Variants in PEX19 observed in about 807,000 individuals in gnomAD.
PEX19 encodes 33 kDa housekeeping protein.
A neutral mutation model predicts 36.3 loss-of-function variants in PEX19; 29 were observed. The ratio of observed to expected loss-of-function variants is 0.80; its 90% CI spans 0.60 to 1.09. The LOEUF (loss-of-function observed/expected upper bound fraction) is 1.09, where lower values mean the gene tolerates loss of function less well. PEX19 is among the 50% of genes least tolerant of loss of function. PEX19 has a pLI of 0.00. For synonymous variants in PEX19, 141 were observed against 135.2 expected, an observed-to-expected ratio of 1.04 and a Z score of -0.30; for missense variants, 396 against 368.1, an observed-to-expected ratio of 1.08 and a Z score of -0.62.
chr1:160,282,897 A>G, intron 3 of PEX19, 47 bp downstream of exon 3: 1 of 1,592,798 alleles, frequency 6.3e-7, no homozygotes, highest in East Asian at 2.2e-5. Context: ...GGCAACAAAG[A>G]CTTAAGAGTC....
rs1310410647 is a variant in PEX19 at position 160,282,137 on chromosome 1, C to G, written c.496G>C (p.Asp166His). ...ATGGGGAGGATGTTCCCTTCCCCAT[C>G]CCCTTCGTCCATGCCTAGCCCCTCC... ...AMEGLGMDEG[D>H]GEGNILPIMQ... Residue 166 changes from aspartate (D) to histidine (H), a missense_variant, in exon 5 of 8, where the codon GAT becomes CAT. Physicochemically the swap from Asp to His is moderately conservative, Grantham distance 81. Transcript: ENST00000368072. 6.2e-7 allele frequency: 1 copy of G among 1,613,958 alleles called. No homozygotes were observed. Among genetic ancestry groups the G allele is most frequent in the African/African-American group, 1.3e-5 (1 of 74,904 alleles).
Position 160,282,199 on chromosome 1 carries a change from T to G in PEX19, c.434A>C (p.Asn145Thr). ...CAGCTCTTCTTCCGACATGCTGGAG[T>G]TCTAGATAGGACAAGTAAGAGGTGA... The part of the protein sequence containing the change: ...GLAKNATDLQ[N>T]SSMSEEELTK... Residue 145 changes from asparagine (N) to threonine (T), a missense_variant and splice_region_variant, in exon 5 of 8, where the codon AAC (asparagine) becomes ACC (threonine). Asn to Thr is a moderately conservative substitution (Grantham distance 65). Coordinates refer to ENST00000368072, the MANE Select transcript of PEX19 (RefSeq NM_002857.4). The G allele has an allele frequency of 1.2e-6, 2 of 1,613,932 alleles. No individual in the cohort carries two copies. Among genetic ancestry groups the G allele is most frequent in the Non-Finnish European group, 1.7e-6 (2 of 1,179,974 alleles).
At chr1:160,282,909 G>C in intron 3 of PEX19, 35 bp downstream of exon 3, 1 of 1,605,612 alleles carries the variant, frequency 6.2e-7, no homozygotes, top group South Asian at 1.1e-5. Context: ...TTAAGAGTCT[G>C]TTCAGATATT....
In PEX19 at chr1:160,282,952, C is replaced by T; in HGVS notation, c.338G>A (p.Gly113Glu). The change falls in exon 3 of 8, where the codon GGG becomes GAG. Residue 113 changes from glycine to glutamate, a missense_variant. By Grantham distance (98) the Gly-to-Glu change is moderately conservative (BLOSUM62 -2). Coordinates refer to ENST00000368072, the MANE Select transcript of PEX19 (RefSeq NM_002857.4). The stretch of plus-strand genomic sequence containing the variant: ...ATCTGGGGTCTCCTCACCCACTCTC[C>T]CTGCAGCCTCTGAGAGCTTTTGGAA... ...EQFQKLSEAA[G>E]RVGSDMTSQQ... is the part of the protein sequence containing the mutation. The T allele has an allele frequency of 6.2e-7, 1 of 1,614,190 alleles. No individual in the cohort carries two copies. The highest frequency in any genetic ancestry group is 1.1e-5 in the South Asian group (1 of 91,080).
intron 1 of PEX19, 110 bp from the exon 2 acceptor site, chr1:160,283,749 T>A: frequency 1.2e-6 from 1 of 824,608 alleles, no homozygotes; most frequent in Non-Finnish European, 2.0e-6. Flanking sequence ...AATTGCCAAC[T>A]TTCCTCAATT....
rs376013124 is a variant in PEX19, at chr1:160,283,097, C to T, written c.193G>A (p.Ala65Thr). 11 of 1,613,482 alleles carry T rather than the reference C, an allele frequency of 6.8e-6. No individual in the cohort carries two copies. Among genetic ancestry groups the T allele is most frequent in the Middle Eastern group, 1.8e-4 (1 of 5,688 alleles). The stretch of plus-strand genomic sequence containing the variant: ...TCCTGGAAAAACTTCTCTTGGGAAG[C>T]GAAGAGGGCATCCTGCGGGGGAAGG... ...PGDTAKDALF[A>T]SQEKFFQELF... The change falls in exon 3 of 8, where the codon GCT becomes ACT. Residue 65 changes from alanine to threonine, a missense_variant. Coordinates refer to ENST00000368072, the MANE Select transcript of PEX19 (RefSeq NM_002857.4).
chr1:160,282,834 T>C, intron 3 of PEX19, 110 bp downstream of exon 3: 1 of 1,188,030 alleles, frequency 8.4e-7, no homozygotes, highest in South Asian at 1.2e-5. Context: ...ACCCGTTCCT[T>C]GGCTGTGACA....
In PEX19 at chr1:160,283,568, A is replaced by G. The variant is rs1557855520; in HGVS notation, c.142T>C (p.Ser48Pro). Reference sequence around the variant, plus strand: ...CCTGGCGATCTCTTCTGGGGCCCCGAAGCATCAGGGGCCGTGGTGGTAGAA... The same window carrying G: ...CCTGGCGATCTCTTCTGGGGCCCCGGAGCATCAGGGGCCGTGGTGGTAGAA... ...PPSTTTAPDA[S>P]GPQKRSPGDT... Residue 48 changes from serine to proline, a missense_variant, in exon 2 of 8, where the codon TCG becomes CCG. Ser to Pro is a moderately conservative substitution (Grantham distance 74). Coordinates refer to ENST00000368072, the MANE Select transcript of PEX19 (RefSeq NM_002857.4). The G allele has an allele frequency of 6.2e-7, 1 of 1,613,894 alleles. No homozygotes were observed. Among genetic ancestry groups the G allele is most frequent in the Admixed American group, 1.7e-5 (1 of 60,016 alleles).
Position 160,279,634 on chromosome 1 carries a change from G to T in PEX19, c.817C>A (p.Pro273Thr), listed in dbSNP as rs760797797. ...HPPKELAGEM[P>T]PGLNFDLDAL... ...TCCAGGTCAAAGTTGAGGCCAGGAG[G>T]CTGGGGAAGAGATGAAGGGACTCAG... Residue 273 changes from proline (P) to threonine (T), a missense_variant and splice_region_variant, in exon 8 of 8, where the codon CCT becomes ACT. By Grantham distance (38) the Pro-to-Thr change is conservative. Transcript: ENST00000368072. 9 of 1,613,740 alleles carry T rather than the reference G, an allele frequency of 5.6e-6. No individual in the cohort carries two copies. The highest frequency in any genetic ancestry group is 6.8e-6 in the Non-Finnish European group (8 of 1,179,596).
intron 1 of PEX19, among the ~76,000 whole-genome samples, chr1:160,284,501 T>C (rs1657919760): frequency 6.6e-6 from 1 of 152,102 alleles, no homozygotes. Context: ...AATCGCCACA[T>C]CCTCAGTTTC....
chr1:160,283,559 G>A lies in PEX19; in HGVS notation c.151C>T (p.Gln51Ter), dbSNP rs200087121. 1 of 1,613,792 alleles carries A rather than the reference G, an allele frequency of 6.2e-7. No individual in the cohort carries two copies. Among genetic ancestry groups the A allele is most frequent in the East Asian group, 2.2e-5 (1 of 44,852 alleles). Residue 51 changes from glutamine to a stop codon, truncating the protein, a stop_gained, in exon 2 of 8, where the codon CAG (glutamine) becomes TAG (stop). Coordinates refer to ENST00000368072, the MANE Select transcript of PEX19 (RefSeq NM_002857.4). LOFTEE classifies it high-confidence loss of function. ...TTTAPDASGP[Q>*]KRSPGDTAKD... ...GCAGTGTCTCCTGGCGATCTCTTCT[G>A]GGGCCCCGAAGCATCAGGGGCCGTG...
intron 5 of PEX19, 146 bp downstream of exon 5, chr1:160,281,893 C>A (rs1657784305): frequency 8.3e-6 from 6 of 722,390 alleles, no homozygotes; most frequent in African/African-American, 3.5e-5. Flanking sequence ...TCCCCAACCC[C>A]CAACTCTCCC....
Position 160,282,956 on chromosome 1 carries a change from C to A in PEX19, c.334G>T (p.Ala112Ser), listed in dbSNP as rs1450643432. Residue 112 changes from alanine (A) to serine (S), a missense_variant, in exon 3 of 8, where the codon GCA becomes TCA. Coordinates refer to ENST00000368072, the MANE Select transcript of PEX19 (RefSeq NM_002857.4). ...GGGGTCTCCTCACCCACTCTCCCTG[C>A]AGCCTCTGAGAGCTTTTGGAACTGC... Reference protein sequence around the residue: ...VEQFQKLSEAAGRVGSDMTSQ... With the variant: ...VEQFQKLSEASGRVGSDMTSQ... 1.2e-6 allele frequency: 2 copies of A among 1,614,104 alleles called. No individual in the cohort carries two copies. The highest frequency in any genetic ancestry group is 1.1e-5 in the South Asian group (1 of 91,090).
rs11265368 is a variant in PEX19 at position 160,281,782 on chromosome 1, A to G, written c.594+257T>C. 0.042 allele frequency among the ~76,000 whole-genome samples: 6,465 copies of G among 152,278 alleles called. 445 individuals carry two copies. Among genetic ancestry groups the G allele is most frequent in the African/African-American group, 0.15 (6,089 of 41,534 alleles). ...ATCCCAGAGTCTTGAACCAGTTTATAGAAAACTAGAACTGAAGGATTTCCT... is the reference window on the plus strand; with the variant it reads ...ATCCCAGAGTCTTGAACCAGTTTATGGAAAACTAGAACTGAAGGATTTCCT... On this transcript the variant is annotated intron_variant, in intron 5 of 7. Transcript: ENST00000368072.
In PEX19 at chr1:160,277,502, A is replaced by C. The variant is rs1432931452; in HGVS notation, c.*2049T>G. The C allele has an allele frequency of 2.2e-6, 1 of 455,668 alleles. No individual in the cohort carries two copies. The highest frequency in any genetic ancestry group is 2.0e-5 in the African/African-American group (1 of 50,060). 28.2% of individuals were successfully genotyped at this position (455,668 alleles called of 1,614,324 possible). A position where few individuals can be genotyped will look rare whatever the true frequency, so the allele number is the denominator to read the frequency against. On this transcript the variant is annotated 3_prime_UTR_variant, in exon 8 of 8. Transcript: ENST00000368072. ...TGCCCTAGAGTACCATAACTCCACC[A>C]CAAGTCCTGGAATAATTCCAAAAGT...
chr1:160,278,471 A>C lies in PEX19; in HGVS notation c.*1080T>G. On this transcript the variant is annotated 3_prime_UTR_variant, in exon 8 of 8. Coordinates refer to ENST00000368072, the MANE Select transcript of PEX19 (RefSeq NM_002857.4). ...ACGGAAGCTGAGGAAGATCAGAAAA[A>C]GACCACACTCCTCACTCAGAATATT... 2 of 541,206 alleles carry C rather than the reference A, an allele frequency of 3.7e-6. No individual in the cohort carries two copies. The highest frequency in any genetic ancestry group is 7.0e-6 in the Non-Finnish European group (2 of 285,092). 33.5% of individuals were successfully genotyped at this position (541,206 alleles called of 1,614,324 possible). A position where few individuals can be genotyped will look rare whatever the true frequency, so the allele number is the denominator to read the frequency against.
rs990044624 is a variant in PEX19 at position 160,278,816 on chromosome 1, A to G, written c.*735T>C. On this transcript the variant is annotated 3_prime_UTR_variant, in exon 8 of 8. Transcript: ENST00000368072. Reference sequence around the variant, plus strand: ...CAGGTGTTTAAAAAAGAGAGGAGGTAAAAGGGAGGATGGGCAGGGGATAGA... The same window carrying G: ...CAGGTGTTTAAAAAAGAGAGGAGGTGAAAGGGAGGATGGGCAGGGGATAGA... The G allele has an allele frequency of 2.2e-6, 1 of 454,064 alleles. No individual in the cohort carries two copies. The highest frequency in any genetic ancestry group is 6.9e-5 in the East Asian group (1 of 14,394). 28.1% of individuals were successfully genotyped at this position (454,064 alleles called of 1,614,324 possible).
rs781070167 is a variant in PEX19 at position 160,283,028 on chromosome 1, CG to C, written c.261del (p.Phe87LeufsTer5). 6.2e-7 allele frequency: 1 copy of C among 1,614,192 alleles called. No individual in the cohort carries two copies. Among genetic ancestry groups the C allele is most frequent in the South Asian group, 1.1e-5 (1 of 91,086 alleles). On this transcript the variant is annotated frameshift_variant, in exon 3 of 8. Transcript: ENST00000368072. LOFTEE classifies it high-confidence loss of function. ...TCAGCCAACTCCTTCATTGCCTTCT[CG>C]AACTCCGCAGTGGCTTGGGAAGCCA... ...SELASQATAE[F>X]EKAMKELAEE...
Position 160,283,650 on chromosome 1 carries a change from A to AAG in PEX19, c.71-13_71-12dup, listed in dbSNP as rs756418503. Reference sequence around the variant, plus strand: ...AATCATCAAGAGCACCTTCAGAGACAAGAGACATGGTGTGTGTGTTGGCGA... The same window carrying AAG: ...AATCATCAAGAGCACCTTCAGAGACAAGAGAGACATGGTGTGTGTGTTGGCGA... On this transcript the variant is annotated splice_polypyrimidine_tract_variant and intron_variant, in intron 1 of 7. Coordinates refer to ENST00000368072, the MANE Select transcript of PEX19 (RefSeq NM_002857.4). 3 of 1,598,700 alleles carry AAG rather than the reference A, an allele frequency of 1.9e-6. No homozygotes were observed. In the Admixed American group the frequency reaches 5.0e-5, roughly 27 times the overall value.
Sources: allele counts gnomAD v4.1 joint callset (sites outside exome capture counted in the v4.1 genomes callset), GRCh38; gene constraint gnomAD v4.1.1; transcripts MANE v1.5; gene names NCBI Gene and HGNC (gene_info 2026-07-23, HGNC 2026-07-21).